The following MTPN variants were observed in gnomAD, a reference collection of about 807,000 sequenced individuals.
The protein encoded by MTPN is granule cell differentiation protein.
In MTPN, 2 loss-of-function variants were observed where a neutral mutation model predicts 13.5. The observed-to-expected ratio is 0.15, with a 90% CI of 0.06 to 0.47. The LOEUF is 0.47. MTPN is among the 20% of genes least tolerant of loss of function. MTPN has a pLI of 0.97. For missense variants in MTPN, 79 were observed against 137.9 expected (o/e 0.57, Z 2.14); for synonymous variants, 46 against 51.7 (o/e 0.89, Z 0.48).
intron 1 of MTPN, among the ~76,000 whole-genome samples, chr7:135,968,397 T>C (rs1366156304): frequency 6.6e-6 from 1 of 151,966 alleles, no homozygotes; most frequent in Non-Finnish European, 1.5e-5. Flanking sequence ...TTTCTTTCAG[T>C]AATCACAGCT....
At chr7:135,965,340 T>C (rs1014040252) in intron 1 of MTPN, among the ~76,000 whole-genome samples, 15 of 152,158 alleles carry the variant, frequency 9.9e-5, no homozygotes, top group African/African-American at 3.6e-4. Flanking sequence ...ATGGTCAAGG[T>C]TAGTAAGTAG....
intron 3 of MTPN, among the ~76,000 whole-genome samples, chr7:135,938,428 G>A (rs955311521): frequency 6.6e-6 from 1 of 152,182 alleles, no homozygotes; most frequent in African/African-American, 2.4e-5. Flanking sequence ...GACTAAGACT[G>A]CAGTTGAGGA....
chr7:135,929,819 A>T lies in MTPN; in HGVS notation c.*107T>A. 8.9e-7 allele frequency: 1 copy of T among 1,118,446 alleles called. No homozygotes were observed. Among genetic ancestry groups the T allele is most frequent in the Non-Finnish European group, 1.4e-6 (1 of 738,788 alleles). 69.3% of individuals were successfully genotyped at this position (1,118,446 alleles called of 1,614,324 possible). Reference sequence around the variant, plus strand: ...ATTTCTCTCTCCCCTCACCCCTCTTAAAGTATTTAGCTGAAGAAGCTGGCA... The same window carrying T: ...ATTTCTCTCTCCCCTCACCCCTCTTTAAGTATTTAGCTGAAGAAGCTGGCA... On this transcript the variant is annotated 3_prime_UTR_variant, in exon 4 of 4. Transcript: ENST00000393085.
At chr7:135,955,246 T>C (rs1799424617) in intron 1 of MTPN, among the ~76,000 whole-genome samples, 1 of 151,208 alleles carries the variant, frequency 6.6e-6, no homozygotes, top group Admixed American at 6.6e-5. Context: ...CATAAGAAAC[T>C]AGAAAAAAAA....
chr7:135,956,055 T>C (rs1472475248), intron 1 of MTPN, among the ~76,000 whole-genome samples: 5 of 152,126 alleles, frequency 3.3e-5, no homozygotes, highest in Non-Finnish European at 5.9e-5. Context: ...CAACCAGGCA[T>C]GAAAAGAAAT....
chr7:135,964,178 C>CTTTATCTTAA (rs1799570939), intron 1 of MTPN, among the ~76,000 whole-genome samples: 1 of 151,874 alleles, frequency 6.6e-6, no homozygotes, highest in Non-Finnish European at 1.5e-5. Flanking sequence ...GAGAAAGGAA[C>CTTTATCTTAA]CAAATATAAC....
intron 1 of MTPN, among the ~76,000 whole-genome samples, chr7:135,972,213 G>GCGCGCGCA (rs1799704258): frequency 1.2e-5 from 1 of 86,498 alleles, no homozygotes; most frequent in African/African-American, 4.4e-5. Context: ...ATACACACGC[G>GCGCGCGCA]CACACGCGCA....
chr7:135,964,284 C>G (rs879826887), intron 1 of MTPN, among the ~76,000 whole-genome samples: 2 of 152,076 alleles, frequency 1.3e-5, no homozygotes, highest in African/African-American at 4.8e-5. Context: ...ATACAACCAT[C>G]TTATCTGCTG....
chr7:135,947,257 G>C (rs991634703), intron 3 of MTPN, among the ~76,000 whole-genome samples: 1 of 151,950 alleles, frequency 6.6e-6, no homozygotes, highest in East Asian at 1.9e-4. Flanking sequence ...TTGTTGCTTG[G>C]GGGTACTAGG....
chr7:135,967,543 A>G (rs1243211020), intron 1 of MTPN, among the ~76,000 whole-genome samples: 3 of 152,180 alleles, frequency 2.0e-5, no homozygotes, highest in African/African-American at 4.8e-5. Flanking sequence ...TAGCACTATG[A>G]TACTGGTCAA....
chr7:135,955,553 G>T (rs1250678592), intron 1 of MTPN, among the ~76,000 whole-genome samples: 1 of 152,108 alleles, frequency 6.6e-6, no homozygotes, highest in Non-Finnish European at 1.5e-5. Context: ...GGAAGCGATG[G>T]GATGTTATCT....
At position 135,929,889 on chromosome 7, in the gene MTPN, A is replaced by G. The variant is rs763623933; in HGVS notation, c.*37T>C. ...ACAGGCAGCAGTGTGAGGCCACAGG[A>G]GAGTCATTCTTCCGGAGTTATCAGT... On this transcript the variant is annotated 3_prime_UTR_variant, in exon 4 of 4. Transcript: ENST00000393085. The G allele has an allele frequency of 3.1e-6, 5 of 1,592,512 alleles. No homozygotes were observed. The South Asian group carries it at 4.4e-5, about 14-fold the overall frequency.
At chr7:135,971,112 T>C (rs1799687326) in intron 1 of MTPN, among the ~76,000 whole-genome samples, 2 of 152,150 alleles carry the variant, frequency 1.3e-5, no homozygotes, top group Non-Finnish European at 2.9e-5. Context: ...AGAGATTCTA[T>C]CCTTTCACAT....
At chr7:135,933,098 CAAAAAAAAA>C (rs56865854) in intron 3 of MTPN, among the ~76,000 whole-genome samples, 32 of 63,066 alleles carry the variant, frequency 5.1e-4, no homozygotes, top group Non-Finnish European at 7.2e-4. Flanking sequence ...CACTCAGCCT[CAAAAAAAAA>C]AAAAAAAAAA....
intron 1 of MTPN, among the ~76,000 whole-genome samples, chr7:135,971,132 T>C (rs1020515022): frequency 2.2e-4 from 33 of 152,088 alleles, no homozygotes; most frequent in African/African-American, 6.8e-4. Context: ...TGGTGCACAA[T>C]TGTTGCTTTT....
At chr7:135,945,064 GGTAA>G (rs1380716088) in intron 3 of MTPN, among the ~76,000 whole-genome samples, 2 of 152,094 alleles carry the variant, frequency 1.3e-5, no homozygotes, top group Admixed American at 6.6e-5. Context: ...GTAACACGAT[GGTAA>G]GTATTTGTGT....
At chr7:135,936,944 T>G (rs1042772154) in intron 3 of MTPN, among the ~76,000 whole-genome samples, 4 of 152,204 alleles carry the variant, frequency 2.6e-5, no homozygotes, top group Non-Finnish European at 5.9e-5. Flanking sequence ...TGCAGAATGT[T>G]TAAAAAAACT....
chr7:135,954,875 A>G (rs1411401442), intron 1 of MTPN, among the ~76,000 whole-genome samples: 1 of 152,180 alleles, frequency 6.6e-6, no homozygotes, highest in Non-Finnish European at 1.5e-5. Context: ...CCTGGGAGGC[A>G]GAGCTTGCAG....
At chr7:135,939,633 C>A (rs531835548) in intron 3 of MTPN, among the ~76,000 whole-genome samples, 4 of 126,478 alleles carry the variant, frequency 3.2e-5, no homozygotes, top group African/African-American at 1.2e-4. Flanking sequence ...CAACAACATA[C>A]ACAGCGGAGC....
Sources: gnomAD v4.1 joint callset for allele counts (sites outside exome capture counted in the v4.1 genomes callset) on GRCh38, gnomAD v4.1.1 for gene constraint, MANE v1.5 for transcripts, NCBI Gene and HGNC (gene_info 2026-07-23, HGNC 2026-07-21) for gene names.